Variants in ABHD6 observed in about 807,000 individuals in gnomAD.
The protein encoded by ABHD6 is monoacylglycerol lipase ABHD6.
ABHD6 carries 33 observed loss-of-function variants against 38.8 expected under a neutral mutation model. That is an observed-to-expected ratio of 0.85 (90% CI 0.64 to 1.14). ABHD6 has a LOEUF of 1.14. Among genes scored for constraint, ABHD6 ranks in the 50% most tolerant of loss-of-function variants. The pLI is 0.00. For synonymous variants in ABHD6, 147 were observed against 161.6 expected (o/e 0.91, Z 0.69); for missense variants, 380 against 422.6 (o/e 0.90, Z 0.88).
Position 58,293,815 on chromosome 3 carries a change from C to G in ABHD6, c.*50C>G. On this transcript the variant is annotated 3_prime_UTR_variant, in exon 10 of 10. Coordinates refer to ENST00000478253, the MANE Select transcript of ABHD6 (RefSeq NM_001320126.2). The surrounding 1 kb of genome is among the most constrained non-coding windows in gnomAD (Gnocchi z 4.4). Reference sequence around the variant, plus strand: ...GCACACAGCATCTGCTCCCATCCCCCAAGTCTGACGCAGCCACCACTCTCA... The same window carrying G: ...GCACACAGCATCTGCTCCCATCCCCGAAGTCTGACGCAGCCACCACTCTCA... 1 of 1,584,244 alleles carries G rather than the reference C, an allele frequency of 6.3e-7. No homozygotes were observed. The highest frequency in any genetic ancestry group is 8.6e-7 in the Non-Finnish European group (1 of 1,161,718).
intron 2 of ABHD6, among the ~76,000 whole-genome samples, chr3:58,252,101 T>G (rs1026052105): frequency 1.8e-4 from 27 of 152,174 alleles, no homozygotes; most frequent in African/African-American, 6.0e-4. Context: ...GCCACACTGG[T>G]GCCCCCAGCC....
chr3:58,290,475 C>T (rs1463080619), intron 9 of ABHD6, among the ~76,000 whole-genome samples: 2 of 118,800 alleles, frequency 1.7e-5, no homozygotes, highest in Non-Finnish European at 3.6e-5. Flanking sequence ...GGGGGCTGAC[C>T]CCCCCACCTC....
At chr3:58,281,375 G>T (rs1325155215) in intron 7 of ABHD6, among the ~76,000 whole-genome samples, 1 of 152,156 alleles carries the variant, frequency 6.6e-6, no homozygotes, top group Non-Finnish European at 1.5e-5. Flanking sequence ...AGGGAGCAAG[G>T]CTCTGTGGGC....
chr3:58,243,249 G>T (rs1454209095), intron 1 of ABHD6, among the ~76,000 whole-genome samples: 1 of 152,156 alleles, frequency 6.6e-6, no homozygotes, highest in Non-Finnish European at 1.5e-5. Flanking sequence ...TAATGAGATT[G>T]CTGGGTCAAA....
At position 58,264,444 on chromosome 3, in the gene ABHD6, CATAT is replaced by C. The variant is rs146742101; in HGVS notation, c.120-2744_120-2741del. On this transcript the variant is annotated intron_variant, in intron 3 of 9. Transcript: ENST00000478253. ...ACACACACACACACACACACACACA[CATAT>C]GCCAGGTGCAGTGGCTCAGTGGCAG... Among the ~76,000 whole-genome samples the C allele has an allele frequency of 3.5e-4, 34 of 97,642 alleles. 1 individual carries two copies. The highest frequency in any genetic ancestry group is 2.1e-3 in the African/African-American group (32 of 15,588). 64.1% of individuals were successfully genotyped at this position (97,642 alleles called of 152,430 possible).
At chr3:58,260,659 A>C (rs1490806847) in intron 3 of ABHD6, among the ~76,000 whole-genome samples, 1 of 152,160 alleles carries the variant, frequency 6.6e-6, no homozygotes, top group Non-Finnish European at 1.5e-5. Context: ...GCCAGTGATG[A>C]CCACCAGTGG....
intron 1 of ABHD6, among the ~76,000 whole-genome samples, chr3:58,246,703 C>T (rs1048090424): frequency 6.6e-5 from 10 of 151,570 alleles, no homozygotes; most frequent in Non-Finnish European, 1.3e-4. Context: ...CCCAGAATCA[C>T]GAAGGAGATA....
rs1559776758 is a variant in ABHD6 at position 58,266,170 on chromosome 3, G to C, written c.120-1019G>C. 1.3e-5 allele frequency among the ~76,000 whole-genome samples: 2 copies of C among 152,152 alleles called. No homozygotes were observed. The highest frequency in any genetic ancestry group is 4.8e-5 in the African/African-American group (2 of 41,436). ...GTTTCAAAAGAAACCAACCAGGTGC[G>C]GTTTAACCAGCTGGACGTCTGTAAC... On this transcript the variant is annotated intron_variant, in intron 3 of 9. Coordinates refer to ENST00000478253, the MANE Select transcript of ABHD6 (RefSeq NM_001320126.2). The surrounding 1 kb of genome is among the most constrained non-coding windows in gnomAD (Gnocchi z 4.0).
At position 58,256,238 on chromosome 3, in the gene ABHD6, C is replaced by T. The variant is rs1211868181; in HGVS notation, c.-25-324C>T. Among the ~76,000 whole-genome samples, 1 of 152,182 alleles carries T rather than the reference C, an allele frequency of 6.6e-6. No homozygotes were observed. The highest frequency in any genetic ancestry group is 2.4e-5 in the African/African-American group (1 of 41,446). On this transcript the variant is annotated intron_variant, in intron 2 of 9. Transcript: ENST00000478253. This position sits in a 1 kb window ranked among gnomAD's most constrained non-coding sequence, Gnocchi z 4.3. ...ATTCTCCTACATACATACATAATCACAATTTCATCATCATACTCAAGAATT... is the reference window on the plus strand; with the variant it reads ...ATTCTCCTACATACATACATAATCATAATTTCATCATCATACTCAAGAATT...
chr3:58,292,173 C>T (rs1172437497), intron 9 of ABHD6, among the ~76,000 whole-genome samples: 3 of 152,206 alleles, frequency 2.0e-5, no homozygotes, highest in Admixed American at 6.5e-5. Context: ...TGTTCCTTTT[C>T]CTGGTCCAGG....
intron 7 of ABHD6, among the ~76,000 whole-genome samples, chr3:58,283,871 C>T (rs2097455078): frequency 6.6e-6 from 1 of 152,190 alleles, no homozygotes; most frequent in Non-Finnish European, 1.5e-5. Context: ...ATCTCTGATG[C>T]TGAGCACAAT....
At chr3:58,239,074 A>G (rs1254916091) in intron 1 of ABHD6, among the ~76,000 whole-genome samples, 2 of 152,008 alleles carry the variant, frequency 1.3e-5, no homozygotes, top group Non-Finnish European at 2.9e-5. Context: ...GTACCTTCCC[A>G]AGACACGAAG....
intron 7 of ABHD6, among the ~76,000 whole-genome samples, chr3:58,280,663 G>A (rs558913288): frequency 8.5e-5 from 13 of 152,352 alleles, no homozygotes; most frequent in Admixed American, 2.6e-4. Flanking sequence ...ATTTGGAGGA[G>A]AAGAGGCGCT....
intron 3 of ABHD6, among the ~76,000 whole-genome samples, chr3:58,260,966 C>T (rs113359522): frequency 5.9e-5 from 9 of 152,174 alleles, no homozygotes; most frequent in Non-Finnish European, 8.8e-5. Flanking sequence ...TCCACAACAC[C>T]GTGGACTATG....
rs1291384443 is a variant in ABHD6, at chr3:58,287,328, CTTTACCTAAATGCATCAATTT to C, written c.837+1878_837+1898del. 6.6e-6 allele frequency among the ~76,000 whole-genome samples: 1 copy of C among 152,082 alleles called. No homozygotes were observed. The highest frequency in any genetic ancestry group is 1.5e-5 in the Non-Finnish European group (1 of 68,006). On this transcript the variant is annotated intron_variant, in intron 9 of 9. Coordinates refer to ENST00000478253, the MANE Select transcript of ABHD6 (RefSeq NM_001320126.2). This position sits in a 1 kb window ranked among gnomAD's most constrained non-coding sequence, Gnocchi z 4.7. The stretch of plus-strand genomic sequence containing the variant: ...AGAATACAGAGTATACCTGCATACC[CTTTACCTAAATGCATCAATTT>C]TTAACTGGCAGGAGGTCACACTGTG...
At chr3:58,284,561 C>G (rs1389587536) in intron 7 of ABHD6, among the ~76,000 whole-genome samples, 1 of 151,930 alleles carries the variant, frequency 6.6e-6, no homozygotes, top group African/African-American at 2.4e-5. Context: ...AGTGATTCTC[C>G]TGCCTCAGCC....
chr3:58,247,345 T>C (rs1264320888), intron 1 of ABHD6, among the ~76,000 whole-genome samples: 1 of 151,614 alleles, frequency 6.6e-6, no homozygotes, highest in African/African-American at 2.4e-5. Flanking sequence ...AGTAGAACTT[T>C]TGTGATAAGG....
In ABHD6 at chr3:58,238,790, C is replaced by T. The variant is rs1356387272; in HGVS notation, c.-91+874C>T. 1 of 152,430 alleles carries T rather than the reference C, an allele frequency of 6.6e-6. No homozygotes were observed. Among genetic ancestry groups the T allele is most frequent in the East Asian group, 1.9e-4 (1 of 5,212 alleles). The allele number at this position is 152,430 out of a possible 1,614,324, so 9.4% of individuals were successfully genotyped here. A position where few individuals can be genotyped will look rare whatever the true frequency, so the allele number is the denominator to read the frequency against. ...AAGAGGAAATAAAGTGGGGGTCTTACTCCAGCTGGGACCTGGAGGCCCTCA... is the reference window on the plus strand; with the variant it reads ...AAGAGGAAATAAAGTGGGGGTCTTATTCCAGCTGGGACCTGGAGGCCCTCA... On this transcript the variant is annotated intron_variant, in intron 1 of 9. Coordinates refer to ENST00000478253, the MANE Select transcript of ABHD6 (RefSeq NM_001320126.2). The surrounding 1 kb of genome is among the most constrained non-coding windows in gnomAD (Gnocchi z 6.9).
At position 58,269,367 on chromosome 3, in the gene ABHD6, A is replaced by T; in HGVS notation, c.323A>T (p.His108Leu). 1.2e-6 allele frequency: 2 copies of T among 1,614,036 alleles called. No individual in the cohort carries two copies. The highest frequency in any genetic ancestry group is 1.7e-6 in the Non-Finnish European group (2 of 1,179,910). Residue 108 changes from histidine (H) to leucine (L), a missense_variant, in exon 5 of 10, where the codon CAT (histidine) becomes CTT (leucine). His to Leu is a moderately conservative substitution (Grantham distance 99). Coordinates refer to ENST00000478253, the MANE Select transcript of ABHD6 (RefSeq NM_001320126.2). The surrounding 1 kb of genome is among the most constrained non-coding windows in gnomAD (Gnocchi z 4.4). ...TTGGTCTGCGTGGACATGCCAGGAC[A>T]TGAGGGCACCACCCGCTCCTCCCTG... ...LHLVCVDMPGHEGTTRSSLDD... is the reference protein window; with the variant it reads ...LHLVCVDMPGLEGTTRSSLDD...
Sources: gnomAD v4.1 joint callset for allele counts (sites outside exome capture counted in the v4.1 genomes callset) on GRCh38, gnomAD v4.1.1 for gene constraint, Gnocchi (gnomAD v3.1) non-coding constraint, MANE v1.5 for transcripts, NCBI Gene and HGNC (gene_info 2026-07-23, HGNC 2026-07-21) for gene names.